Variants in KIF14 observed in about 807,000 individuals in gnomAD.
KIF14 encodes the protein kinesin-like protein KIF14.
A neutral mutation model predicts 176.2 loss-of-function variants in KIF14; 98 were observed. The observed-to-expected ratio is 0.56, with a 90% CI of 0.47 to 0.66. The LOEUF is 0.66. KIF14 is among the 30% of genes least tolerant of loss of function. KIF14 has a pLI of 0.00. For missense variants in KIF14, 1,751 were observed against 1,920.4 expected (o/e 0.91, Z 1.65); for synonymous variants, 566 against 632.2 (o/e 0.90, Z 1.57).
chr1:200,562,335 G>A (rs1657209426), intron 25 of KIF14, among the ~76,000 whole-genome samples: 1 of 152,204 alleles, frequency 6.6e-6, no homozygotes, highest in Non-Finnish European at 1.5e-5. Flanking sequence ...AAGAAGGAAA[G>A]AAACTACACA....
chr1:200,602,605 A>G (rs1264970434), intron 10 of KIF14, among the ~76,000 whole-genome samples: 1 of 152,242 alleles, frequency 6.6e-6, no homozygotes, highest in Non-Finnish European at 1.5e-5. Context: ...GGTGGCAATC[A>G]CATTGTAATA....
chr1:200,559,222 C>T (rs1046701817), intron 27 of KIF14, 108 bp downstream of exon 27: 3 of 693,514 alleles, frequency 4.3e-6, no homozygotes, highest in Non-Finnish European at 4.1e-6. Context: ...AAAAATAACT[C>T]GAAACAAATT....
chr1:200,556,251 T>A (rs749240005), intron 27 of KIF14, among the ~76,000 whole-genome samples: 4 of 152,188 alleles, frequency 2.6e-5, no homozygotes, highest in Non-Finnish European at 5.9e-5. Flanking sequence ...AGTGTTTAAT[T>A]GGCTTTACTC....
intron 22 of KIF14, among the ~76,000 whole-genome samples, chr1:200,572,282 C>A (rs1427478757): frequency 1.3e-5 from 2 of 152,108 alleles, no homozygotes; most frequent in Non-Finnish European, 2.9e-5. Context: ...TCTGCTGATT[C>A]CCTAATTATT....
At chr1:200,598,164 C>T in intron 14 of KIF14, 73 bp downstream of exon 14, 1 of 1,293,092 alleles carries the variant, frequency 7.7e-7, no homozygotes, top group African/African-American at 1.5e-5. Context: ...ACGAATATGC[C>T]ATATGAAGGA....
chr1:200,618,703 A>T lies in KIF14; in HGVS notation c.21T>A (p.His7Gln). Residue 7 changes from histidine (H) to glutamine (Q), a missense_variant, in exon 2 of 30, where the codon CAT (histidine) becomes CAA (glutamine). Physicochemically the swap from His to Gln is conservative, Grantham distance 24 (BLOSUM62 0). Transcript: ENST00000367350. ...GAATATCACCGCTGTTATTTCTATT[A>T]TGAGTACTGTGTAATGACATTTTGG... MSLHSTHNRNNSGDILD... is the reference protein window; with the variant it reads MSLHSTQNRNNSGDILD... The T allele has an allele frequency of 6.2e-7, 1 of 1,608,876 alleles. No homozygotes were observed. The highest frequency in any genetic ancestry group is 1.7e-4 in the Middle Eastern group (1 of 6,058).
intron 19 of KIF14, among the ~76,000 whole-genome samples, chr1:200,583,912 A>G (rs1034074314): frequency 2.6e-5 from 4 of 151,498 alleles, no homozygotes; most frequent in Non-Finnish European, 4.4e-5. Context: ...ACTGCATTCC[A>G]GCCTGGGCAA....
intron 26 of KIF14, among the ~76,000 whole-genome samples, chr1:200,559,944 G>A (rs186809206): frequency 1.7e-3 from 255 of 152,114 alleles, no homozygotes; most frequent in African/African-American, 5.7e-3. Context: ...TAGTAGAGAC[G>A]GGGTTTCGCC....
rs1331660366 is a variant in KIF14, at chr1:200,605,458, G to GTCTC, written c.1639-69_1639-68insGAGA. 1.2e-4 allele frequency: 128 copies of GTCTC among 1,090,544 alleles called. 1 individual carries two copies. Among genetic ancestry groups the GTCTC allele is most frequent in the South Asian group, 8.8e-4 (63 of 71,532 alleles). 67.6% of individuals were successfully genotyped at this position (1,090,544 alleles called of 1,614,324 possible). A position where few individuals can be genotyped will look rare whatever the true frequency, so the allele number is the denominator to read the frequency against. On this transcript the variant is annotated intron_variant, in intron 7 of 29. Coordinates refer to ENST00000367350, the MANE Select transcript of KIF14 (RefSeq NM_014875.3). ...ACTCAATGATATAAAAATTAAGAGAGACAACATATACACATTTGTAATTCA... is the reference window on the plus strand; with the variant it reads ...ACTCAATGATATAAAAATTAAGAGAGTCTCACAACATATACACATTTGTAATTCA...
chr1:200,554,111 C>G (rs1440532601), intron 29 of KIF14, among the ~76,000 whole-genome samples: 1 of 152,126 alleles, frequency 6.6e-6, no homozygotes, highest in Non-Finnish European at 1.5e-5. Flanking sequence ...AAGATGTCAG[C>G]CGGGGACTGT....
intron 4 of KIF14, among the ~76,000 whole-genome samples, chr1:200,611,252 A>G (rs984506500): frequency 3.9e-5 from 6 of 152,240 alleles, no homozygotes; most frequent in African/African-American, 1.4e-4. Flanking sequence ...AGTTCAATTC[A>G]CCAAATATTT....
intron 2 of KIF14, among the ~76,000 whole-genome samples, chr1:200,616,321 C>T (rs1387599097): frequency 6.6e-6 from 1 of 152,172 alleles, no homozygotes; most frequent in African/African-American, 2.4e-5. Context: ...CTACCCTGGC[C>T]CTGCTTTCAA....
At position 200,598,628 on chromosome 1, in the gene KIF14, G is replaced by A. The variant is rs368763888; in HGVS notation, c.2365-207C>T. ...GGCTGGAGTGCAGTGGCACGATCTC[G>A]GCTCACTGCAACCTCTGCCTCCTGG... On this transcript the variant is annotated intron_variant, in intron 13 of 29. Transcript: ENST00000367350. 4.7e-3 allele frequency among the ~76,000 whole-genome samples: 714 copies of A among 151,944 alleles called. 6 individuals are homozygous for A. The highest frequency in any genetic ancestry group is 0.016 in the African/African-American group (658 of 41,414).
At chr1:200,605,804 T>C in intron 7 of KIF14, 60 bp downstream of exon 7, 1 of 1,066,126 alleles carries the variant, frequency 9.4e-7, no homozygotes, top group Non-Finnish European at 1.4e-6. Flanking sequence ...AAAATATTCT[T>C]ATAAATATTT....
In KIF14 at chr1:200,575,693, T is replaced by C; in HGVS notation, c.3466-2A>G. On this transcript the variant is annotated splice_acceptor_variant, in intron 21 of 29. Transcript: ENST00000367350. LOFTEE classifies it high-confidence loss of function. ...TTCACCCCTGTTACTACCATTACTC[T>C]AAGAAAAATATAATATATAGTTTCA... The C allele has an allele frequency of 1.3e-6, 2 of 1,486,226 alleles. No homozygotes were observed. Among genetic ancestry groups the C allele is most frequent in the Non-Finnish European group, 1.8e-6 (2 of 1,097,146 alleles). 92.1% of individuals were successfully genotyped at this position (1,486,226 alleles called of 1,614,324 possible).
intron 27 of KIF14, among the ~76,000 whole-genome samples, chr1:200,556,497 C>G (rs1656835822): frequency 1.3e-5 from 2 of 152,170 alleles, no homozygotes; most frequent in Admixed American, 1.3e-4. Context: ...CCATGAACAA[C>G]AAAGTACAGG....
intron 19 of KIF14, among the ~76,000 whole-genome samples, chr1:200,582,617 A>C (rs1460033342): frequency 1.3e-5 from 2 of 152,194 alleles, no homozygotes; most frequent in East Asian, 1.9e-4. Context: ...TGGGAGACCA[A>C]GGCCGGTGGA....
chr1:200,606,830 G>A, intron 5 of KIF14, 32 bp from the exon 6 acceptor site: 3 of 1,526,882 alleles, frequency 2.0e-6, no homozygotes, highest in Non-Finnish European at 1.8e-6. Context: ...ATCATTAGGA[G>A]TATGACAAAT....
chr1:200,614,023 G>A (rs557998237), intron 4 of KIF14, among the ~76,000 whole-genome samples: 11 of 152,254 alleles, frequency 7.2e-5, no homozygotes, highest in East Asian at 5.8e-4. Context: ...ACAAACACAC[G>A]TATAACAGCA....
Sources: allele counts gnomAD v4.1 joint callset (sites outside exome capture counted in the v4.1 genomes callset), GRCh38; gene constraint gnomAD v4.1.1; transcripts MANE v1.5; gene names NCBI Gene and HGNC (gene_info 2026-07-23, HGNC 2026-07-21).